NEK10: variants seen among roughly 807,000 people sequenced by gnomAD.
The protein encoded by NEK10 is serine/threonine-protein kinase Nek10.
Under a neutral mutation model 159.8 loss-of-function variants are expected in NEK10, and 122 were observed. The ratio of observed to expected loss-of-function variants is 0.76; its 90% CI spans 0.66 to 0.89. The LOEUF (loss-of-function observed/expected upper bound fraction) is 0.89, where lower values mean the gene tolerates loss of function less well. Among genes scored for constraint, NEK10 ranks in the 40% least tolerant of loss-of-function variants. The pLI is 0.00. For missense variants in NEK10, 1,342 were observed against 1,323.1 expected (o/e 1.01, Z -0.22); for synonymous variants, 466 against 457.1 (o/e 1.02, Z -0.25).
chr3:27,339,778 C>CAA (rs33927068), intron 5 of NEK10, among the ~76,000 whole-genome samples: 2 of 119,912 alleles, frequency 1.7e-5, no homozygotes, highest in Admixed American at 8.5e-5. Context: ...GACTCCATCT[C>CAA]AAAAAAAAAA....
intron 23 of NEK10, among the ~76,000 whole-genome samples, chr3:27,249,012 G>C (rs1342091653): frequency 6.6e-6 from 1 of 152,122 alleles, no homozygotes; most frequent in Non-Finnish European, 1.5e-5. Context: ...ATCTCATCTT[G>C]AATTGTAATC....
intron 5 of NEK10, among the ~76,000 whole-genome samples, chr3:27,333,273 C>T (rs569337942): frequency 4.6e-5 from 7 of 152,116 alleles, no homozygotes; most frequent in African/African-American, 1.4e-4. Flanking sequence ...TGGCCAGGTG[C>T]GGTGGCTCAC....
chr3:27,336,279 C>A (rs368387263), intron 5 of NEK10, among the ~76,000 whole-genome samples: 1 of 152,100 alleles, frequency 6.6e-6, no homozygotes, highest in Admixed American at 6.5e-5. Flanking sequence ...GAAACTACAA[C>A]TTCCCAAGGT....
intron 23 of NEK10, among the ~76,000 whole-genome samples, chr3:27,242,534 T>C (rs1954668670): frequency 1.3e-5 from 2 of 151,508 alleles, no homozygotes; most frequent in Non-Finnish European, 2.9e-5. Flanking sequence ...GCCCAGGCAA[T>C]CCAGGTCTAG....
At chr3:27,262,330 G>A (rs1364734852) in intron 22 of NEK10, among the ~76,000 whole-genome samples, 1 of 152,066 alleles carries the variant, frequency 6.6e-6, no homozygotes, top group Non-Finnish European at 1.5e-5. Flanking sequence ...TCTTCTCAAG[G>A]AGTATCTTTG....
chr3:27,184,480 G>T (rs1048834119), intron 26 of NEK10, among the ~76,000 whole-genome samples: 1 of 152,204 alleles, frequency 6.6e-6, no homozygotes, highest in African/African-American at 2.4e-5. Flanking sequence ...CTTGTTTGGG[G>T]TGGAGGTTAC....
intron 10 of NEK10, 51 bp downstream of exon 10, chr3:27,308,875 T>C (rs2044452049): frequency 8.5e-6 from 7 of 825,318 alleles, no homozygotes; most frequent in African/African-American, 1.7e-5. Context: ...CCTTACCACC[T>C]AAATTGCTAT....
intron 32 of NEK10, among the ~76,000 whole-genome samples, chr3:27,127,290 A>T (rs1231436841): frequency 6.6e-6 from 1 of 152,174 alleles, no homozygotes; most frequent in African/African-American, 2.4e-5. Context: ...AAACCACAAT[A>T]TAATTATCCC....
intron 22 of NEK10, among the ~76,000 whole-genome samples, chr3:27,272,514 C>T (rs997669064): frequency 1.3e-5 from 2 of 152,190 alleles, no homozygotes; most frequent in African/African-American, 4.8e-5. Context: ...AAAGCTTTTC[C>T]TTTTAATCCA....
In NEK10 at chr3:27,111,298, T is replaced by C; in HGVS notation, c.3322A>G (p.Thr1108Ala). Residue 1108 changes from threonine to alanine, a missense_variant, in exon 36 of 36, where the codon ACC becomes GCC. Coordinates refer to ENST00000691995, the MANE Select transcript of NEK10 (RefSeq NM_001394966.1). Reference protein sequence around the residue: ...SNRYHSYPWGTKNHPTKR With the variant: ...SNRYHSYPWGAKNHPTKR Reference sequence around the variant, plus strand: ...CATCTTTTGGTTGGGTGATTCTTGGTCCCCCATGGATAGGAATGATACCTA... The same window carrying C: ...CATCTTTTGGTTGGGTGATTCTTGGCCCCCCATGGATAGGAATGATACCTA... 6.2e-7 allele frequency: 1 copy of C among 1,608,816 alleles called. No homozygotes were observed. Among genetic ancestry groups the C allele is most frequent in the Non-Finnish European group, 8.5e-7 (1 of 1,177,354 alleles).
At chr3:27,290,776 C>T (rs2042942478) in intron 18 of NEK10, 22 bp from the exon 19 acceptor site, 1 of 1,573,322 alleles carries the variant, frequency 6.4e-7, no homozygotes, top group Middle Eastern at 1.7e-4. Flanking sequence ...AAAAACACAA[C>T]AACAACAAAA....
chr3:27,312,724 TTTCTAATATTATAA>T (rs1173321773), intron 7 of NEK10, among the ~76,000 whole-genome samples: 1 of 152,156 alleles, frequency 6.6e-6, no homozygotes, highest in East Asian at 1.9e-4. Context: ...AAACAGGTAA[TTTCTAATATTATAA>T]TGGAAGTTAA....
chr3:27,248,349 A>C (rs913825013), intron 23 of NEK10, among the ~76,000 whole-genome samples: 27 of 151,582 alleles, frequency 1.8e-4, no homozygotes, highest in African/African-American at 6.0e-4. Context: ...TGTTTTCTTC[A>C]TTTCCATTGC....
At chr3:27,360,829 G>A (rs1290015838) in intron 1 of NEK10, among the ~76,000 whole-genome samples, 1 of 152,190 alleles carries the variant, frequency 6.6e-6, no homozygotes, top group Non-Finnish European at 1.5e-5. Flanking sequence ...CGTCAGCTAA[G>A]GACAAGCATT....
rs1365707243 is a variant in NEK10, at chr3:27,290,719, C to A, written c.1641G>T (p.Met547Ile). 1 of 1,608,820 alleles carries A rather than the reference C, an allele frequency of 6.2e-7. No individual in the cohort carries two copies. Among genetic ancestry groups the A allele is most frequent in the Admixed American group, 1.7e-5 (1 of 59,688 alleles). ...RKHSGQNLLA[M>I]KEVNLHNPAF... ...CTGGGTTATGTAAATTGACCTCTTT[C>A]ATTGCTAAAAGATTTTGACCACTAT... is the stretch of plus-strand genomic sequence containing the variant. Residue 547 changes from methionine (M) to isoleucine (I), a missense_variant, in exon 19 of 36, where the codon ATG (methionine) becomes ATT (isoleucine). Physicochemically the swap from Met to Ile is conservative, Grantham distance 10 (BLOSUM62 1). Coordinates refer to ENST00000691995, the MANE Select transcript of NEK10 (RefSeq NM_001394966.1).
chr3:27,138,892 A>G (rs1457315434), intron 31 of NEK10, among the ~76,000 whole-genome samples: 1 of 152,242 alleles, frequency 6.6e-6, no homozygotes, highest in East Asian at 1.9e-4. Flanking sequence ...ACTAGTAAAC[A>G]GTAATGAAGA....
intron 30 of NEK10, 168 bp downstream of exon 30, chr3:27,162,533 C>A (rs563198813): frequency 1.9e-6 from 3 of 1,614,152 alleles, no homozygotes; most frequent in Admixed American, 1.7e-5. Flanking sequence ...AACTCAGCCT[C>A]TATTTCCTTA....
chr3:27,127,227 C>T (rs1048232683), intron 32 of NEK10, among the ~76,000 whole-genome samples: 3 of 152,018 alleles, frequency 2.0e-5, no homozygotes, highest in Admixed American at 6.6e-5. Context: ...TCATACTATC[C>T]GTAATATTTC....
chr3:27,252,130 A>C, intron 23 of NEK10: 1 of 365,522 alleles, frequency 2.7e-6, no homozygotes, highest in Non-Finnish European at 5.6e-6. Flanking sequence ...GTGGTGAACA[A>C]AGGAGACGCA....
Sources: gnomAD v4.1 joint callset for allele counts (sites outside exome capture counted in the v4.1 genomes callset) on GRCh38, gnomAD v4.1.1 for gene constraint, MANE v1.5 for transcripts, NCBI Gene and HGNC (gene_info 2026-07-23, HGNC 2026-07-21) for gene names.